The following NRXN1 variants were observed in gnomAD, a reference collection of about 807,000 sequenced individuals.
NRXN1 encodes the protein neurexin-1.
A neutral mutation model predicts 150.9 loss-of-function variants in NRXN1; 39 were observed. That is an observed-to-expected ratio of 0.26 (90% CI 0.20 to 0.34). The LOEUF is 0.34. Among genes scored for constraint, NRXN1 ranks in the 10% least tolerant of loss-of-function variants. The probability of loss-of-function intolerance (pLI) is 1.00; values close to 1 mark genes in which losing one functional copy is unlikely to be tolerated. For synonymous variants in NRXN1, 924 were observed against 757.0 expected (o/e 1.22, Z -3.62); for missense variants, 1,815 against 1,949.9 (o/e 0.93, Z 1.30).
At chr2:50,373,608 AAAGAGAGAGAGAGAAAGAAAAGAAAG>A in intron 17 of NRXN1, among the ~76,000 whole-genome samples, 1 of 149,330 alleles carries the variant, frequency 6.7e-6, no homozygotes, top group Non-Finnish European at 1.5e-5. Context: ...AGAGAGAAAG[AAAGAGAGAGAGAGAAAGAAAAGAAAG>A]AAAGAAAGAA....
At chr2:49,960,112 G>A (rs963790316) in intron 21 of NRXN1, among the ~76,000 whole-genome samples, 1 of 152,132 alleles carries the variant, frequency 6.6e-6, no homozygotes, top group Non-Finnish European at 1.5e-5. Context: ...GCAAACTCAA[G>A]GGAGACAGAC....
intron 5 of NRXN1, among the ~76,000 whole-genome samples, chr2:50,827,084 G>A (rs1037432900): frequency 1.3e-5 from 2 of 152,132 alleles, no homozygotes; most frequent in Non-Finnish European, 2.9e-5. Flanking sequence ...ACTTGCTACC[G>A]CTGAGTAAAA....
rs191214953 is a variant in NRXN1 at position 50,031,657 on chromosome 2, C to G, written c.4128+21614G>C. ...TACTAACTGTGTATTTAGAAAATATCAATGCATAAGGAAGAGAAATGCAAT... is the reference window on the plus strand; with the variant it reads ...TACTAACTGTGTATTTAGAAAATATGAATGCATAAGGAAGAGAAATGCAAT... On this transcript the variant is annotated intron_variant, in intron 21 of 22. Transcript: ENST00000401669. Among the ~76,000 whole-genome samples, 4 of 152,166 alleles carry G rather than the reference C, an allele frequency of 2.6e-5. No individual in the cohort carries two copies. The East Asian group carries it at 7.7e-4, about 29-fold the overall frequency.
intron 5 of NRXN1, among the ~76,000 whole-genome samples, chr2:50,642,195 G>A (rs868417342): frequency 1.8e-4 from 27 of 152,180 alleles, no homozygotes; most frequent in Non-Finnish European, 3.5e-4. Flanking sequence ...GAGGCACCAT[G>A]CTAATTGCTT....
At chr2:50,686,310 T>C (rs1691223823) in intron 5 of NRXN1, among the ~76,000 whole-genome samples, 2 of 152,156 alleles carry the variant, frequency 1.3e-5, no homozygotes, top group Admixed American at 1.3e-4. Context: ...AAAACTTAGA[T>C]TTCCAGTTTC....
intron 5 of NRXN1, among the ~76,000 whole-genome samples, chr2:50,644,809 T>C (rs565263674): frequency 6.7e-6 from 1 of 148,356 alleles, no homozygotes; most frequent in Non-Finnish European, 1.5e-5. Context: ...ATATATATAA[T>C]ATATATGAAT....
At chr2:50,422,535 A>G (rs1244553855) in intron 17 of NRXN1, among the ~76,000 whole-genome samples, 1 of 152,184 alleles carries the variant, frequency 6.6e-6, no homozygotes, top group Non-Finnish European at 1.5e-5. Flanking sequence ...CTGCTTCTCA[A>G]CTGAAGTTGC....
At chr2:50,798,535 A>T (rs1707156285) in intron 5 of NRXN1, among the ~76,000 whole-genome samples, 1 of 152,166 alleles carries the variant, frequency 6.6e-6, no homozygotes, top group South Asian at 2.1e-4. Context: ...CAGCAAGTTA[A>T]CACTGCCCAC....
intron 8 of NRXN1, among the ~76,000 whole-genome samples, chr2:50,601,354 T>C (rs1676235318): frequency 6.6e-6 from 1 of 152,196 alleles, no homozygotes; most frequent in Admixed American, 6.5e-5. Flanking sequence ...AATTTAACTC[T>C]TGGATCTGTT....
At chr2:50,676,397 A>G (rs1689548489) in intron 5 of NRXN1, among the ~76,000 whole-genome samples, 1 of 152,156 alleles carries the variant, frequency 6.6e-6, no homozygotes, top group Non-Finnish European at 1.5e-5. Flanking sequence ...GGTTAGATAG[A>G]TTAGAAGACA....
chr2:50,093,342 G>T (rs1699821609), intron 18 of NRXN1, among the ~76,000 whole-genome samples: 1 of 151,886 alleles, frequency 6.6e-6, no homozygotes, highest in African/African-American at 2.4e-5. Flanking sequence ...CCAGCCAGAA[G>T]TGATGGCACA....
intron 5 of NRXN1, among the ~76,000 whole-genome samples, chr2:50,641,680 G>T (rs1189242915): frequency 6.6e-6 from 1 of 152,052 alleles, no homozygotes; most frequent in African/African-American, 2.4e-5. Flanking sequence ...CGGTTTTGAG[G>T]TATTCTTGGC....
In NRXN1 at chr2:50,658,411, G is replaced by GGTGGGTGTGTGTGTGT. The variant is rs1553935214; in HGVS notation, c.833-34797_833-34796insACACACACACACCCAC. Among the ~76,000 whole-genome samples the GGTGGGTGTGTGTGTGT allele has an allele frequency of 5.5e-5, 8 of 144,682 alleles. No homozygotes were observed. In the South Asian group the frequency reaches 1.6e-3, roughly 29 times the overall value. 94.9% of individuals were successfully genotyped at this position (144,682 alleles called of 152,430 possible). A position where few individuals can be genotyped will look rare whatever the true frequency, so the allele number is the denominator to read the frequency against. On this transcript the variant is annotated intron_variant, in intron 5 of 22. Coordinates refer to ENST00000401669, the MANE Select transcript of NRXN1 (RefSeq NM_001330078.2). ...TTAATTTACAGGAAATGCATTCACT[G>GGTGGGTGTGTGTGTGT]GTGTGTGTGTGTGTGTGTGTGTGTG...
chr2:49,920,057 A>C lies in NRXN1; in HGVS notation c.*1887T>G, dbSNP rs540967319. On this transcript the variant is annotated 3_prime_UTR_variant, in exon 23 of 23. Coordinates refer to ENST00000401669, the MANE Select transcript of NRXN1 (RefSeq NM_001330078.2). The stretch of plus-strand genomic sequence containing the variant: ...TCCTGAAACATCAACTTGCAATGTA[A>C]TAATGCATTTTTTGCACTACCTTCT... The C allele has an allele frequency of 6.6e-6, 1 of 152,292 alleles. No individual in the cohort carries two copies. Among genetic ancestry groups the C allele is most frequent in the African/African-American group, 2.4e-5 (1 of 41,556 alleles). The allele number at this position is 152,292 out of a possible 1,614,324, so 9.4% of individuals were successfully genotyped here. A position where few individuals can be genotyped will look rare whatever the true frequency, so the allele number is the denominator to read the frequency against.
intron 5 of NRXN1, among the ~76,000 whole-genome samples, chr2:50,887,891 T>C (rs952852611): frequency 1.3e-5 from 2 of 150,502 alleles, no homozygotes; most frequent in African/African-American, 4.9e-5. Context: ...CCAAGACTCA[T>C]ACCAAATTGT....
At chr2:50,041,514 T>C (rs1477264844) in intron 21 of NRXN1, among the ~76,000 whole-genome samples, 4 of 152,170 alleles carry the variant, frequency 2.6e-5, no homozygotes, top group African/African-American at 4.8e-5. Flanking sequence ...TCCCCCTAAC[T>C]GGCTGAAGAC....
At chr2:50,345,428 T>A (rs1406492806) in intron 17 of NRXN1, among the ~76,000 whole-genome samples, 2 of 151,544 alleles carry the variant, frequency 1.3e-5, no homozygotes, top group Admixed American at 6.6e-5. Flanking sequence ...TCATAAGGAG[T>A]GGGGCAAAGG....
chr2:50,748,409 A>G (rs1559205875), intron 5 of NRXN1, among the ~76,000 whole-genome samples: 1 of 152,158 alleles, frequency 6.6e-6, no homozygotes, highest in Non-Finnish European at 1.5e-5. Context: ...GAATCTGATT[A>G]CCAAATAACC....
At chr2:50,025,175 A>G (rs375726790) in intron 21 of NRXN1, among the ~76,000 whole-genome samples, 2 of 152,314 alleles carry the variant, frequency 1.3e-5, no homozygotes, top group South Asian at 2.1e-4. Flanking sequence ...GCAACAAAAA[A>G]TGTTCTTTTA....
Sources: gnomAD v4.1 joint callset for allele counts (sites outside exome capture counted in the v4.1 genomes callset) on GRCh38, gnomAD v4.1.1 for gene constraint, MANE v1.5 for transcripts, NCBI Gene and HGNC (gene_info 2026-07-23, HGNC 2026-07-21) for gene names.